SRRT: variants seen among roughly 807,000 people sequenced by gnomAD.
The protein encoded by SRRT is serrate, RNA effector molecule, also known as serrate RNA effector molecule homolog.
SRRT carries 32 observed loss-of-function variants against 103.2 expected under a neutral mutation model. That is an observed-to-expected ratio of 0.31 (90% CI 0.23 to 0.42). SRRT has a LOEUF of 0.42. Ranked by LOEUF, SRRT falls within the 10% of genes least tolerant of loss-of-function variation. The pLI, the probability that SRRT is intolerant of heterozygous loss-of-function variation, is 1.00. For synonymous variants in SRRT, 525 were observed against 449.0 expected, an observed-to-expected ratio of 1.17 and a Z score of -2.14; for missense variants, 986 against 1,207.5, an observed-to-expected ratio of 0.82 and a Z score of 2.72.
rs1790325006 is a variant in SRRT, at chr7:100,888,025, T to C, written c.2327-17T>C. Reference sequence around the variant, plus strand: ...CCCTCCCCGCCCCCGCAGTAATTCATGTCCCTGTCCGTGTTGTACTCCCCC... The same window carrying C: ...CCCTCCCCGCCCCCGCAGTAATTCACGTCCCTGTCCGTGTTGTACTCCCCC... On this transcript the variant is annotated splice_polypyrimidine_tract_variant and intron_variant, in intron 17 of 19. Transcript: ENST00000611405. 5 of 1,527,412 alleles carry C rather than the reference T, an allele frequency of 3.3e-6. No homozygotes were observed. The highest frequency in any genetic ancestry group is 3.5e-6 in the Non-Finnish European group (4 of 1,140,570). The allele number at this position is 1,527,412 out of a possible 1,614,324, so 94.6% of individuals were successfully genotyped here. A position where few individuals can be genotyped will look rare whatever the true frequency, so the allele number is the denominator to read the frequency against.
Position 100,887,543 on chromosome 7 carries a change from C to T in SRRT, c.2169+30C>T, listed in dbSNP as rs117042688. On this transcript the variant is annotated intron_variant, in intron 16 of 19. Transcript: ENST00000611405. This position sits in a 1 kb window ranked among gnomAD's most constrained non-coding sequence, Gnocchi z 4.1. ...GGGATGTTGGAGAATGGCCGTGCTACGGTGGTGGGAGGTGGGGTTGAGACA... is the reference window on the plus strand; with the variant it reads ...GGGATGTTGGAGAATGGCCGTGCTATGGTGGTGGGAGGTGGGGTTGAGACA... 2,789 of 1,608,318 alleles carry T rather than the reference C, an allele frequency of 1.7e-3. 20 individuals carry two copies. The highest frequency in any genetic ancestry group is 0.014 in the African/African-American group (1,025 of 74,912).
chr7:100,875,807 C>A, intron 2 of SRRT, 95 bp downstream of exon 2: 2 of 1,499,876 alleles, frequency 1.3e-6, no homozygotes, highest in Admixed American at 3.4e-5. Context: ...TTTATGAGGG[C>A]GAATCCTATG....
At position 100,884,978 on chromosome 7, in the gene SRRT, G is replaced by T; in HGVS notation, c.1097G>T (p.Ser366Ile). ...GGTGACGACAGCTTTGACGAGGGCA[G>T]CGTGTCAGAGTCTGAGTCGGAGTCA... ...HSGDDSFDEG[S>I]VSESESESES... The change falls in exon 9 of 20, where the codon AGC (serine) becomes ATC (isoleucine). Residue 366 changes from serine to isoleucine, a missense_variant. Coordinates refer to ENST00000611405, the MANE Select transcript of SRRT (RefSeq NM_015908.6). The T allele has an allele frequency of 3.1e-6, 5 of 1,614,116 alleles. No homozygotes were observed. The highest frequency in any genetic ancestry group is 4.2e-6 in the Non-Finnish European group (5 of 1,180,018).
rs201417902 is a variant in SRRT, at chr7:100,875,739, C to A, written c.122+27C>A. ...TGAGCCGTTTTTAACTTCATCTTGT[C>A]CCCGTTTCATGCCGTTTCACTCCAC... On this transcript the variant is annotated intron_variant, in intron 2 of 19. Coordinates refer to ENST00000611405, the MANE Select transcript of SRRT (RefSeq NM_015908.6). 6.2e-4 allele frequency: 994 copies of A among 1,612,062 alleles called. 1 individual carries two copies. Among genetic ancestry groups the A allele is most frequent in the Non-Finnish European group, 7.8e-4 (918 of 1,178,616 alleles).
chr7:100,881,371 G>A lies in SRRT; in HGVS notation c.209G>A (p.Arg70His), dbSNP rs775337041. ...RNRRERFSPP[R>H]HELSPPQKRM... ...CGGCGAGAGCGCTTCTCGCCACCTCGCCACGAACTCAGCCCGCCACAGAAG... is the reference window on the plus strand; with the variant it reads ...CGGCGAGAGCGCTTCTCGCCACCTCACCACGAACTCAGCCCGCCACAGAAG... Residue 70 changes from arginine (R) to histidine (H), a missense_variant, in exon 3 of 20, where the codon CGC becomes CAC. Physicochemically the swap from Arg to His is conservative, Grantham distance 29 (BLOSUM62 0). Coordinates refer to ENST00000611405, the MANE Select transcript of SRRT (RefSeq NM_015908.6). 7 of 1,612,466 alleles carry A rather than the reference G, an allele frequency of 4.3e-6. No individual in the cohort carries two copies. The highest frequency in any genetic ancestry group is 3.3e-5 in the South Asian group (3 of 90,960).
chr7:100,877,282 A>G (rs1045969424), intron 2 of SRRT, among the ~76,000 whole-genome samples: 3 of 151,246 alleles, frequency 2.0e-5, no homozygotes, highest in Non-Finnish European at 4.4e-5. Context: ...TTAGCCAGGC[A>G]TGGTGGTGCG....
intron 2 of SRRT, chr7:100,880,806 C>G: frequency 6.1e-6 from 2 of 329,914 alleles, no homozygotes; most frequent in Admixed American, 7.6e-5. Flanking sequence ...TCATGTGGGT[C>G]TGGAGCACAG....
In SRRT at chr7:100,875,576, C is replaced by T; in HGVS notation, c.-15C>T. 6.2e-7 allele frequency: 1 copy of T among 1,613,804 alleles called. No homozygotes were observed. Among genetic ancestry groups the T allele is most frequent in the Non-Finnish European group, 8.5e-7 (1 of 1,179,812 alleles). ...ACCGCCTCTCCCCGGTCCCCAGGCC[C>T]CCTCAGACCGTGCCATGGGTGACAG... On this transcript the variant is annotated 5_prime_UTR_variant, in exon 2 of 20. Coordinates refer to ENST00000611405, the MANE Select transcript of SRRT (RefSeq NM_015908.6).
In SRRT at chr7:100,881,622, C is replaced by T. The variant is rs189508773; in HGVS notation, c.252-37C>T. ...TCCTCCATGCTCTGGGGAGGTGACT[C>T]CCTTCTCTGCTTTACTTTTGTGTCC... On this transcript the variant is annotated intron_variant, in intron 3 of 19. Transcript: ENST00000611405. 1.4e-4 allele frequency: 221 copies of T among 1,613,034 alleles called. 2 individuals are homozygous for T. In the East Asian group the frequency reaches 4.4e-3, roughly 32 times the overall value.
At position 100,875,817 on chromosome 7, in the gene SRRT, G is replaced by C; in HGVS notation, c.122+105G>C. 2.8e-6 allele frequency: 4 copies of C among 1,442,568 alleles called. 1 individual carries two copies. In the South Asian group the frequency reaches 4.7e-5, roughly 17 times the overall value. The allele number at this position is 1,442,568 out of a possible 1,614,324, so 89.4% of individuals were successfully genotyped here. On this transcript the variant is annotated intron_variant, in intron 2 of 19. Coordinates refer to ENST00000611405, the MANE Select transcript of SRRT (RefSeq NM_015908.6). ...TAATTTTTATGAGGGCGAATCCTAT[G>C]AAATGGCTCATTGGACCGTTTTCTG...
chr7:100,884,517 A>G lies in SRRT; in HGVS notation c.907A>G (p.Asn303Asp). Residue 303 changes from asparagine to aspartate, a missense_variant, in exon 7 of 20, where the codon AAC becomes GAC. By Grantham distance (23) the Asn-to-Asp change is conservative. Coordinates refer to ENST00000611405, the MANE Select transcript of SRRT (RefSeq NM_015908.6). ...CCTAGGGGACGGGGAGCGCAAAACC[A>G]ACGACAAGGATGAGAAGAAGGAAGA... is the stretch of plus-strand genomic sequence containing the variant. ...AGLGDGERKT[N>D]DKDEKKEDGK... 1 of 1,584,476 alleles carries G rather than the reference A, an allele frequency of 6.3e-7. No individual in the cohort carries two copies. Among genetic ancestry groups the G allele is most frequent in the Non-Finnish European group, 8.6e-7 (1 of 1,162,070 alleles).
At position 100,885,221 on chromosome 7, in the gene SRRT, C is replaced by A. The variant is rs767528350; in HGVS notation, c.1168C>A (p.Leu390Ile). The change falls in exon 10 of 20, where the codon CTC becomes ATC. Residue 390 changes from leucine (L) to isoleucine (I), a missense_variant. Physicochemically the swap from Leu to Ile is conservative, Grantham distance 5. Coordinates refer to ENST00000611405, the MANE Select transcript of SRRT (RefSeq NM_015908.6). The surrounding 1 kb of genome is among the most constrained non-coding windows in gnomAD (Gnocchi z 4.8). ...CCCCCCTTCCTGCCTAGAAGAAGCG[C>A]TCAAGGAGAAGGAGAAGCCCAAGGA... ...EEEKEEAEEA[L>I]KEKEKPKEEE... 8.7e-6 allele frequency: 14 copies of A among 1,613,790 alleles called. No individual in the cohort carries two copies. The highest frequency in any genetic ancestry group is 1.2e-5 in the Non-Finnish European group (14 of 1,179,938).
In SRRT at chr7:100,875,731, C is replaced by T. The variant is rs1815617522; in HGVS notation, c.122+19C>T. ...ATGACAGGTGAGCCGTTTTTAACTT[C>T]ATCTTGTCCCCGTTTCATGCCGTTT... On this transcript the variant is annotated intron_variant, in intron 2 of 19. Transcript: ENST00000611405. The T allele has an allele frequency of 5.0e-6, 8 of 1,612,782 alleles. No individual in the cohort carries two copies. Among genetic ancestry groups the T allele is most frequent in the African/African-American group, 4.0e-5 (3 of 75,022 alleles).
rs1390254049 is a variant in SRRT, at chr7:100,887,206, CT to C, written c.1975+7del. On this transcript the variant is annotated splice_region_variant and intron_variant, in intron 15 of 19. Transcript: ENST00000611405. The surrounding 1 kb of genome is among the most constrained non-coding windows in gnomAD (Gnocchi z 4.1). ...CCGCATCAGTCACGGGGAAGGTGAG[CT>C]CCAGGTTCCCCTTTGTTCCCGGCTG... is the stretch of plus-strand genomic sequence containing the variant. The C allele has an allele frequency of 6.2e-7, 1 of 1,614,128 alleles. No individual in the cohort carries two copies. Among genetic ancestry groups the C allele is most frequent in the African/African-American group, 1.3e-5 (1 of 75,064 alleles).
At chr7:100,877,995 A>G (rs929890893) in intron 2 of SRRT, among the ~76,000 whole-genome samples, 1 of 152,192 alleles carries the variant, frequency 6.6e-6, no homozygotes, top group African/African-American at 2.4e-5. Context: ...GTTGCCAGTG[A>G]TGAAGTAGAA....
chr7:100,886,900 C>T lies in SRRT; in HGVS notation c.1753C>T (p.Pro585Ser), dbSNP rs557823561. The T allele has an allele frequency of 3.7e-6, 6 of 1,613,928 alleles. No homozygotes were observed. The African/African-American group carries it at 8.0e-5, about 22-fold the overall frequency. Residue 585 changes from proline (P) to serine (S), a missense_variant, in exon 14 of 20, where the codon CCT (proline) becomes TCT (serine). Coordinates refer to ENST00000611405, the MANE Select transcript of SRRT (RefSeq NM_015908.6). Reference protein sequence around the residue: ...ELLGSSGGAPPEEPPKEGNPA... With the variant: ...ELLGSSGGAPSEEPPKEGNPA... ...GCTGGGGAGCAGCGGGGGCGCTCCT[C>T]CTGAGGAGCCTCCTAAGGAAGGGAA...
rs371924466 is a variant in SRRT at position 100,887,992 on chromosome 7, C to T, written c.2327-50C>T. The T allele has an allele frequency of 3.3e-6, 5 of 1,524,148 alleles. No individual in the cohort carries two copies. In the African/African-American group the frequency reaches 7.0e-5, roughly 21 times the overall value. The allele number at this position is 1,524,148 out of a possible 1,614,324, so 94.4% of individuals were successfully genotyped here. Reference sequence around the variant, plus strand: ...CCATAGCCCTAGAAGTCAATTGTACCCGTATCCCCCTCCCCGCCCCCGCAG... The same window carrying T: ...CCATAGCCCTAGAAGTCAATTGTACTCGTATCCCCCTCCCCGCCCCCGCAG... On this transcript the variant is annotated intron_variant, in intron 17 of 19. Transcript: ENST00000611405. The surrounding 1 kb of genome is among the most constrained non-coding windows in gnomAD (Gnocchi z 4.1).
chr7:100,886,889 G>T lies in SRRT; in HGVS notation c.1742G>T (p.Gly581Val). Residue 581 changes from glycine (G) to valine (V), a missense_variant, in exon 14 of 20, where the codon GGG (glycine) becomes GTG (valine). By Grantham distance (109) the Gly-to-Val change is moderately radical. Around this residue, in one of 6 missense-constraint regions of SRRT, gnomAD observed 349 missense variants for 446.9 expected, o/e 0.78. Transcript: ENST00000611405. Reference protein sequence around the residue: ...AEEEELLGSSGGAPPEEPPKE... With the variant: ...AEEEELLGSSVGAPPEEPPKE... ...GAGGAGGAGCTGCTGGGGAGCAGCG[G>T]GGGCGCTCCTCCTGAGGAGCCTCCT... 1 of 1,614,136 alleles carries T rather than the reference G, an allele frequency of 6.2e-7. No individual in the cohort carries two copies.
chr7:100,876,133 C>T (rs1289127063), intron 2 of SRRT, among the ~76,000 whole-genome samples: 1 of 152,170 alleles, frequency 6.6e-6, no homozygotes, highest in Non-Finnish European at 1.5e-5. Context: ...GAGGCCATCA[C>T]GCCCGCCTAA....
Sources: gnomAD v4.1 joint callset for allele counts (sites outside exome capture counted in the v4.1 genomes callset) on GRCh38, gnomAD v4.1.1 for gene constraint, gnomAD v4.1.1 regional missense constraint, Gnocchi (gnomAD v3.1) non-coding constraint, MANE v1.5 for transcripts, NCBI Gene and HGNC (gene_info 2026-07-23, HGNC 2026-07-21) for gene names.